KLF8: variants seen among roughly 807,000 people sequenced by gnomAD.
The protein encoded by KLF8 is Krueppel-like factor 8.
Under a neutral mutation model 18.2 loss-of-function variants are expected in KLF8, and 10 were observed. The observed-to-expected ratio is 0.55, with a 90% CI of 0.34 to 0.93. The LOEUF is 0.93. KLF8 is among the 40% of genes least tolerant of loss of function. The pLI, the probability that KLF8 is intolerant of heterozygous loss-of-function variation, is 0.02. For missense variants in KLF8, 264 were observed against 277.9 expected (o/e 0.95, Z 0.36); for synonymous variants, 109 against 97.3 (o/e 1.12, Z -0.71).
chrX:56,095,104 G>A, the KLF8 span, among the ~76,000 whole-genome samples: 4 of 111,468 alleles, frequency 3.6e-5, no homozygotes, highest in Non-Finnish European at 7.6e-5. Flanking sequence ...AAACAGCATG[G>A]CACTGGTATA....
chrX:56,164,800 G>T, the KLF8 span, among the ~76,000 whole-genome samples: 198 of 64,803 alleles, frequency 3.1e-3, no homozygotes, highest in African/African-American at 0.012. Context: ...TGTGCACATT[G>T]TGCAGGTTAG....
chrX:56,052,489 A>T, the KLF8 span, among the ~76,000 whole-genome samples: 1 of 111,698 alleles, frequency 9.0e-6, no homozygotes, highest in Non-Finnish European at 1.9e-5. Context: ...CTTCTAACAG[A>T]CAGGACCCTC....
the KLF8 span, among the ~76,000 whole-genome samples, chrX:56,053,123 G>A: frequency 1.9e-4 from 21 of 111,892 alleles, no homozygotes; most frequent in African/African-American, 4.6e-4. Flanking sequence ...GCCCTGCTTC[G>A]GCTTGCGCAC....
chrX:56,250,450 T>A, intron 2 of KLF8, 146 bp downstream of exon 2: 4 of 466,736 alleles, frequency 8.6e-6, no homozygotes, highest in Non-Finnish European at 1.5e-5. Flanking sequence ...TTCTAGAAAG[T>A]ATATGAATGC....
the KLF8 span, among the ~76,000 whole-genome samples, chrX:56,205,336 C>T: frequency 1.5e-3 from 164 of 111,862 alleles, 1 homozygote; most frequent in African/African-American, 5.1e-3. Flanking sequence ...CACTGCATTT[C>T]ATTATGGGAA....
At chrX:56,213,673 A>G in the KLF8 span, among the ~76,000 whole-genome samples, 1 of 110,957 alleles carries the variant, frequency 9.0e-6, no homozygotes, top group Non-Finnish European at 1.9e-5. Context: ...AAATTAGGTA[A>G]CATACAGCTT....
At chrX:56,091,928 C>T in the KLF8 span, among the ~76,000 whole-genome samples, 1 of 110,793 alleles carries the variant, frequency 9.0e-6, no homozygotes, top group Admixed American at 9.6e-5. Context: ...TACACTCCCA[C>T]CAACAGTGTA....
chrX:56,248,366 G>A (rs1417186425), intron 1 of KLF8, among the ~76,000 whole-genome samples: 2 of 111,340 alleles, frequency 1.8e-5, no homozygotes, highest in African/African-American at 6.5e-5. Flanking sequence ...TCATTACATG[G>A]CATATGAATG....
chrX:55,985,640 G>T, the KLF8 span, among the ~76,000 whole-genome samples: 160 of 103,423 alleles, frequency 1.5e-3, no homozygotes, highest in African/African-American at 5.2e-3. Flanking sequence ...ATTTTAAAAG[G>T]TTTTTTTTTT....
At chrX:56,221,594 G>A in the KLF8 span, among the ~76,000 whole-genome samples, 4 of 110,928 alleles carry the variant, frequency 3.6e-5, no homozygotes, top group South Asian at 4.0e-4. Flanking sequence ...GTGGGTTCAC[G>A]GTCTCGCTGG....
the KLF8 span, among the ~76,000 whole-genome samples, chrX:56,074,089 A>C: frequency 9.1e-6 from 1 of 110,321 alleles, no homozygotes; most frequent in East Asian, 2.9e-4. Context: ...GGCCATTTTT[A>C]TTTCTTCTTT....
chrX:55,936,989 A>T, the KLF8 span, among the ~76,000 whole-genome samples: 2 of 111,867 alleles, frequency 1.8e-5, no homozygotes, highest in African/African-American at 6.5e-5. Flanking sequence ...ACCTTTGCAG[A>T]CTTAAATGTT....
the KLF8 span, among the ~76,000 whole-genome samples, chrX:56,175,235 G>T: frequency 8.9e-6 from 1 of 111,817 alleles, no homozygotes; most frequent in Non-Finnish European, 1.9e-5. Flanking sequence ...TGGGCATTTA[G>T]TGCTATAAAT....
the KLF8 span, among the ~76,000 whole-genome samples, chrX:56,015,906 G>A: frequency 8.9e-6 from 1 of 112,026 alleles, no homozygotes; most frequent in African/African-American, 3.2e-5. Flanking sequence ...TGTCTTCTCA[G>A]TCTCTATTCC....
chrX:56,178,998 C>T, the KLF8 span, among the ~76,000 whole-genome samples: 1 of 111,780 alleles, frequency 8.9e-6, no homozygotes, highest in African/African-American at 3.3e-5. Context: ...ACTTTTAAAG[C>T]AGTTTTTTTC....
At chrX:56,237,557 A>G (rs754866632) in intron 1 of KLF8, among the ~76,000 whole-genome samples, 1 of 111,631 alleles carries the variant, frequency 9.0e-6, no homozygotes, top group South Asian at 3.7e-4. Flanking sequence ...CACATTTTTT[A>G]AATGCCTCAT....
the KLF8 span, among the ~76,000 whole-genome samples, chrX:56,215,400 G>T: frequency 1.8e-5 from 2 of 111,310 alleles, no homozygotes; most frequent in African/African-American, 6.5e-5. Flanking sequence ...TTGGAAGAGA[G>T]GCCCAAGTCG....
chrX:56,153,874 G>A, the KLF8 span, among the ~76,000 whole-genome samples: 1 of 111,141 alleles, frequency 9.0e-6, no homozygotes, highest in East Asian at 2.8e-4. Flanking sequence ...AACTTACAAG[G>A]GATGTGAAGG....
At chrX:56,150,332 C>A in the KLF8 span, among the ~76,000 whole-genome samples, 15 of 111,583 alleles carry the variant, frequency 1.3e-4, no homozygotes, top group African/African-American at 3.6e-4. Flanking sequence ...CCTGCCCTAA[C>A]CTTAGCCCAC....
Sources: allele counts gnomAD v4.1 joint callset (sites outside exome capture counted in the v4.1 genomes callset), GRCh38; gene constraint gnomAD v4.1.1; transcripts MANE v1.5; gene names NCBI Gene and HGNC (gene_info 2026-07-23, HGNC 2026-07-21).